Variants in KAZN observed in about 807,000 individuals in gnomAD.
KAZN encodes kazrin.
In KAZN, 40 loss-of-function variants were observed where a neutral mutation model predicts 87.4. The ratio of observed to expected loss-of-function variants is 0.46; its 90% CI spans 0.36 to 0.60. The LOEUF (loss-of-function observed/expected upper bound fraction) is 0.60, where lower values mean the gene tolerates loss of function less well. KAZN is among the 20% of genes least tolerant of loss of function. The probability of loss-of-function intolerance (pLI) is 0.00; values close to 1 mark genes in which losing one functional copy is unlikely to be tolerated. For synonymous variants in KAZN, 466 were observed against 458.3 expected, an observed-to-expected ratio of 1.02 and a Z score of -0.22; for missense variants, 898 against 1,073.9, an observed-to-expected ratio of 0.84 and a Z score of 2.29.
chr1:14,868,783 G>T (rs1651817924), intron 1 of KAZN, among the ~76,000 whole-genome samples: 1 of 151,954 alleles, frequency 6.6e-6, no homozygotes, highest in African/African-American at 2.4e-5. Flanking sequence ...ACTCAAGGCT[G>T]CAGTGAGCTA....
chr1:14,524,830 GAACAGGTTCTTTAA>G (rs1671780060), intron 2 of KAZN, among the ~76,000 whole-genome samples: 2 of 152,226 alleles, frequency 1.3e-5, no homozygotes, highest in African/African-American at 4.8e-5. Flanking sequence ...TTCGTGATGA[GAACAGGTTCTTTAA>G]AACACCAGCA....
chr1:14,917,869 C>CCTTCCTTTCTTT (rs879905802), intron 1 of KAZN, among the ~76,000 whole-genome samples: 9 of 147,384 alleles, frequency 6.1e-5, no homozygotes, highest in Admixed American at 4.0e-4. Context: ...TTCCTTCCTT[C>CCTTCCTTTCTTT]CTTTCTTTCT....
intron 2 of KAZN, among the ~76,000 whole-genome samples, chr1:14,518,323 C>T (rs1382659572): frequency 2.6e-5 from 4 of 151,572 alleles, no homozygotes; most frequent in African/African-American, 4.9e-5. Flanking sequence ...ACTACAAATG[C>T]GCACCACCAC....
In KAZN at chr1:14,386,495, T is replaced by A. The variant is rs563329880; in HGVS notation, c.249+205903T>A. 7.9e-4 allele frequency among the ~76,000 whole-genome samples: 120 copies of A among 151,984 alleles called. 1 individual carries two copies. The South Asian group carries it at 0.024, about 31-fold the overall frequency. ...TTTAGCACTTCCTTCAGGAGCTCTT[T>A]TAGGGCAGGCCTGGTGGTGACAAAA... On this transcript the variant is annotated intron_variant, in intron 2 of 16. Transcript: ENST00000636203.
intron 2 of KAZN, among the ~76,000 whole-genome samples, chr1:14,293,033 G>A (rs1482179305): frequency 1.3e-5 from 2 of 152,178 alleles, no homozygotes; most frequent in Non-Finnish European, 2.9e-5. Context: ...TAACATGCAT[G>A]AGGACCAAGT....
intron 1 of KAZN, among the ~76,000 whole-genome samples, chr1:14,915,096 A>G (rs1657661477): frequency 6.6e-6 from 1 of 152,206 alleles, no homozygotes; most frequent in South Asian, 2.1e-4. Flanking sequence ...CTGAGGCAGG[A>G]GAATTGCTTG....
At chr1:13,912,553 T>C (rs1174676936) in intron 1 of KAZN, among the ~76,000 whole-genome samples, 4 of 152,148 alleles carry the variant, frequency 2.6e-5, no homozygotes, top group Non-Finnish European at 1.5e-5. Context: ...GATGATAAAA[T>C]TGATAAAGTG....
chr1:14,678,231 G>A (rs10803298), intron 1 of KAZN, among the ~76,000 whole-genome samples: 59,010 of 152,032 alleles, frequency 0.39, 12,850 homozygotes, highest in South Asian at 0.51. Flanking sequence ...AGCTGCCAGC[G>A]CGACTAGAAA....
intron 2 of KAZN, among the ~76,000 whole-genome samples, chr1:14,383,955 T>C (rs1012598814): frequency 1.1e-4 from 17 of 152,100 alleles, no homozygotes; most frequent in African/African-American, 3.9e-4. Context: ...GAGCATGGAA[T>C]GTTCTTCCAT....
At chr1:14,730,763 A>C (rs1643642808) in intron 1 of KAZN, among the ~76,000 whole-genome samples, 1 of 152,194 alleles carries the variant, frequency 6.6e-6, no homozygotes, top group African/African-American at 2.4e-5. Context: ...CCCAGAGAGA[A>C]TGATGCTTTC....
chr1:14,388,299 T>C (rs2101078336), intron 2 of KAZN, among the ~76,000 whole-genome samples: 1 of 152,302 alleles, frequency 6.6e-6, no homozygotes, highest in South Asian at 2.1e-4. Context: ...CTGGGAGCTG[T>C]AGACCGGAGC....
At chr1:14,059,313 T>C (rs2101506599) in intron 1 of KAZN, among the ~76,000 whole-genome samples, 1 of 152,314 alleles carries the variant, frequency 6.6e-6, no homozygotes, top group South Asian at 2.1e-4. Flanking sequence ...GTGCAGCCTT[T>C]AGTCTGTGGC....
intron 2 of KAZN, among the ~76,000 whole-genome samples, chr1:15,008,245 G>A (rs1219276845): frequency 1.3e-5 from 2 of 152,184 alleles, no homozygotes; most frequent in African/African-American, 4.8e-5. Flanking sequence ...TAAGTCTGAA[G>A]CCCAGGCTGC....
intron 2 of KAZN, among the ~76,000 whole-genome samples, chr1:14,581,567 A>G (rs536545156): frequency 1.3e-5 from 2 of 152,144 alleles, no homozygotes; most frequent in East Asian, 1.9e-4. Context: ...TCGTTCCTCT[A>G]CTCAACACCG....
At chr1:14,304,463 TCTGA>T (rs773990963) in intron 2 of KAZN, 23 of 395,118 alleles carry the variant, frequency 5.8e-5, no homozygotes, top group Non-Finnish European at 8.0e-5. Flanking sequence ...TCCCACGAGG[TCTGA>T]CTATCTTCAC....
chr1:14,889,727 GA>G (rs892156204), intron 1 of KAZN, among the ~76,000 whole-genome samples: 127 of 152,250 alleles, frequency 8.3e-4, no homozygotes, highest in African/African-American at 2.8e-3. Context: ...TTAAATGGTT[GA>G]AAAAAATCAG....
chr1:14,526,036 T>A (rs1671845431), intron 2 of KAZN, among the ~76,000 whole-genome samples: 2 of 152,206 alleles, frequency 1.3e-5, no homozygotes, highest in Non-Finnish European at 2.9e-5. Context: ...GCTACCAGCA[T>A]TGTCGTCATT....
chr1:14,393,643 A>T (rs1662642481), intron 2 of KAZN, among the ~76,000 whole-genome samples: 1 of 151,998 alleles, frequency 6.6e-6, no homozygotes, highest in Non-Finnish European at 1.5e-5. Context: ...GACAATTAAT[A>T]TCTGTGCTTG....
At chr1:14,239,801 T>A (rs1328655583) in intron 2 of KAZN, among the ~76,000 whole-genome samples, 1 of 151,730 alleles carries the variant, frequency 6.6e-6, no homozygotes, top group Non-Finnish European at 1.5e-5. Flanking sequence ...ACCAACTGAG[T>A]GTGATTTTGC....
Sources: allele counts gnomAD v4.1 joint callset (sites outside exome capture counted in the v4.1 genomes callset), GRCh38; gene constraint gnomAD v4.1.1; transcripts MANE v1.5; gene names NCBI Gene and HGNC (gene_info 2026-07-23, HGNC 2026-07-21).